Variants in ZBTB7C observed in about 807,000 individuals in gnomAD.
ZBTB7C encodes zinc finger and BTB domain-containing protein 7C.
In ZBTB7C, 8 loss-of-function variants were observed where a neutral mutation model predicts 25.7. That is an observed-to-expected ratio of 0.31 (90% confidence interval 0.18 to 0.56). The LOEUF (loss-of-function observed/expected upper bound fraction) is 0.56. Among genes scored for constraint, ZBTB7C ranks in the 20% least tolerant of loss-of-function variants. ZBTB7C has a pLI of 0.91. For missense variants in ZBTB7C, 824 were observed against 855.2 expected (o/e 0.96, Z 0.46); for synonymous variants, 394 against 369.0 (o/e 1.07, Z -0.78).
intron 3 of ZBTB7C, among the ~76,000 whole-genome samples, chr18:48,112,293 C>T (rs1404482754): frequency 7.6e-6 from 1 of 131,232 alleles, no homozygotes; most frequent in African/African-American, 2.8e-5. Flanking sequence ...TCTCTCTCTC[C>T]CTCCCTCCCA....
intron 1 of ZBTB7C, among the ~76,000 whole-genome samples, chr18:48,402,230 T>C (rs1222996651): frequency 6.6e-6 from 1 of 151,712 alleles, no homozygotes; most frequent in Non-Finnish European, 1.5e-5. Flanking sequence ...TGGGTTCATA[T>C]TTCTTGAGTT....
intron 1 of ZBTB7C, among the ~76,000 whole-genome samples, chr18:48,367,218 C>T (rs56271442): frequency 0.17 from 12,494 of 75,244 alleles, 1,455 homozygotes; most frequent in Non-Finnish European, 0.2. Flanking sequence ...CACACACACA[C>T]ACACACACAC....
At chr18:48,112,802 A>C (rs1489581595) in intron 3 of ZBTB7C, among the ~76,000 whole-genome samples, 7 of 152,240 alleles carry the variant, frequency 4.6e-5, no homozygotes. Context: ...AAGACTACCT[A>C]ACAGAGGATT....
At chr18:48,180,651 T>C (rs1037553264) in intron 3 of ZBTB7C, among the ~76,000 whole-genome samples, 9 of 152,148 alleles carry the variant, frequency 5.9e-5, no homozygotes, top group Admixed American at 1.3e-4. Context: ...CCCGCATACC[T>C]TGGTGTTCTA....
At chr18:48,067,512 C>A (rs79699841) in intron 3 of ZBTB7C, among the ~76,000 whole-genome samples, 2,628 of 152,204 alleles carry the variant, frequency 0.017, 71 homozygotes, top group African/African-American at 0.06. Context: ...AAGCAGATGA[C>A]CTTTTAGAAT....
At chr18:48,064,555 C>A (rs2037247750) in intron 3 of ZBTB7C, among the ~76,000 whole-genome samples, 1 of 152,210 alleles carries the variant, frequency 6.6e-6, no homozygotes, top group Non-Finnish European at 1.5e-5. Context: ...CCAGCCTGGG[C>A]AATATGGCAA....
intron 2 of ZBTB7C, among the ~76,000 whole-genome samples, chr18:48,264,881 C>T (rs916545807): frequency 3.3e-5 from 5 of 152,116 alleles, no homozygotes; most frequent in African/African-American, 7.2e-5. Context: ...CGACCACAAG[C>T]GAAGTGGAAG....
rs556164239 is a variant in ZBTB7C, at chr18:48,116,091, A to G, written c.-17+69843T>C. ...TGCTGCATTAAAAAAAAAGAAAAAT[A>G]TAAGAAAAAGAAAGTTAATCCATTC... On this transcript the variant is annotated intron_variant, in intron 3 of 4. Transcript: ENST00000590800. Among the ~76,000 whole-genome samples, 21 of 152,166 alleles carry G rather than the reference A, an allele frequency of 1.4e-4. No homozygotes were observed. In the East Asian group the frequency reaches 3.9e-3, roughly 28 times the overall value.
intron 1 of ZBTB7C, among the ~76,000 whole-genome samples, chr18:48,356,469 A>G (rs1039548423): frequency 6.6e-6 from 1 of 152,074 alleles, no homozygotes; most frequent in African/African-American, 2.4e-5. Context: ...ATTCACCCCA[A>G]CTGTGCTACG....
At chr18:48,162,376 C>T (rs1415586149) in intron 3 of ZBTB7C, 2 of 456,532 alleles carry the variant, frequency 4.4e-6, no homozygotes, top group Non-Finnish European at 8.8e-6. Flanking sequence ...CAAGTGACTT[C>T]TCTATGCCTC....
At chr18:48,205,533 G>T (rs1022019059) in intron 2 of ZBTB7C, among the ~76,000 whole-genome samples, 1 of 151,898 alleles carries the variant, frequency 6.6e-6, no homozygotes, top group African/African-American at 2.4e-5. Flanking sequence ...TCAATTTCCT[G>T]TAGGAAGGAA....
intron 2 of ZBTB7C, among the ~76,000 whole-genome samples, chr18:48,334,989 G>A (rs935918780): frequency 6.6e-5 from 10 of 152,196 alleles, no homozygotes; most frequent in Non-Finnish European, 1.0e-4. Context: ...GGGCACTCTA[G>A]CTTCCCCTGT....
chr18:48,158,774 G>A (rs993398515), intron 3 of ZBTB7C, among the ~76,000 whole-genome samples: 13 of 152,214 alleles, frequency 8.5e-5, no homozygotes, highest in African/African-American at 2.2e-4. Context: ...CAAGTGAAGC[G>A]TGTCAGGCAT....
chr18:48,366,593 G>A (rs941530840), intron 1 of ZBTB7C, among the ~76,000 whole-genome samples: 3 of 152,172 alleles, frequency 2.0e-5, no homozygotes, highest in African/African-American at 7.2e-5. Flanking sequence ...ACACGTACAA[G>A]TCCATAAGAA....
chr18:48,320,117 G>A (rs915213977), intron 2 of ZBTB7C, among the ~76,000 whole-genome samples: 4 of 152,078 alleles, frequency 2.6e-5, no homozygotes, highest in African/African-American at 9.7e-5. Flanking sequence ...AGGCTTCACC[G>A]AGAAAGGGAC....
At chr18:48,300,406 A>G (rs2045514936) in intron 2 of ZBTB7C, among the ~76,000 whole-genome samples, 1 of 152,204 alleles carries the variant, frequency 6.6e-6, no homozygotes, top group Non-Finnish European at 1.5e-5. Flanking sequence ...ATAGGAAAAC[A>G]GAAGTTTCTG....
chr18:48,098,116 G>T (rs964415756), intron 3 of ZBTB7C, among the ~76,000 whole-genome samples: 5 of 152,254 alleles, frequency 3.3e-5, no homozygotes, highest in Admixed American at 6.5e-5. Flanking sequence ...ATTTGTGATG[G>T]GTGAGAGTTC....
intron 2 of ZBTB7C, among the ~76,000 whole-genome samples, chr18:48,218,346 C>A (rs2042874147): frequency 6.6e-6 from 1 of 152,230 alleles, no homozygotes; most frequent in African/African-American, 2.4e-5. Context: ...TCACCCTGCT[C>A]TCTCCCAGGA....
chr18:48,146,045 A>G (rs1397468897), intron 3 of ZBTB7C, among the ~76,000 whole-genome samples: 1 of 152,060 alleles, frequency 6.6e-6, no homozygotes, highest in Non-Finnish European at 1.5e-5. Flanking sequence ...ATTTTTTCCT[A>G]GGTTTTTTGC....
Sources: gnomAD v4.1 joint callset for allele counts (sites outside exome capture counted in the v4.1 genomes callset) on GRCh38, gnomAD v4.1.1 for gene constraint, MANE v1.5 for transcripts, NCBI Gene and HGNC (gene_info 2026-07-23, HGNC 2026-07-21) for gene names.